The following PHACTR1 variants were observed in gnomAD, a reference collection of about 807,000 sequenced individuals.
PHACTR1 encodes phosphatase and actin regulator 1.
PHACTR1 carries 16 observed loss-of-function variants against 69.2 expected under a neutral mutation model. The observed-to-expected ratio is 0.23, with a 90% CI of 0.16 to 0.35. The LOEUF (loss-of-function observed/expected upper bound fraction) is 0.35, where lower values mean the gene tolerates loss of function less well. PHACTR1 is among the 10% of genes least tolerant of loss of function. PHACTR1 has a pLI of 1.00. For missense variants in PHACTR1, 510 were observed against 734.7 expected (o/e 0.69, Z 3.54); for synonymous variants, 312 against 284.5 (o/e 1.10, Z -0.97).
chr6:12,745,665 TA>T (rs1297353976), intron 3 of PHACTR1, among the ~76,000 whole-genome samples: 2 of 152,302 alleles, frequency 1.3e-5, no homozygotes, highest in South Asian at 2.1e-4. Context: ...TTTCTAAATA[TA>T]ATTCATTACA....
chr6:12,772,548 A>C (rs1249398848), intron 4 of PHACTR1, among the ~76,000 whole-genome samples: 1 of 152,176 alleles, frequency 6.6e-6, no homozygotes, highest in Non-Finnish European at 1.5e-5. Flanking sequence ...TACTCTGCAC[A>C]ATGGCCTTTC....
chr6:13,017,961 T>C (rs771707373), intron 4 of PHACTR1, among the ~76,000 whole-genome samples: 2 of 152,234 alleles, frequency 1.3e-5, no homozygotes, highest in Non-Finnish European at 2.9e-5. Flanking sequence ...CATTTTACTA[T>C]ATATGATTCC....
chr6:12,756,159 T>C (rs1767299916), intron 4 of PHACTR1, among the ~76,000 whole-genome samples: 1 of 152,190 alleles, frequency 6.6e-6, no homozygotes, highest in African/African-American at 2.4e-5. Flanking sequence ...GATCATTATT[T>C]AGTGTACAAG....
chr6:13,084,243 A>G (rs1232099310), intron 5 of PHACTR1, among the ~76,000 whole-genome samples: 2 of 151,970 alleles, frequency 1.3e-5, no homozygotes, highest in Non-Finnish European at 2.9e-5. Flanking sequence ...ATGAAGCTGG[A>G]AACCATCATT....
intron 4 of PHACTR1, among the ~76,000 whole-genome samples, chr6:12,848,400 CCTA>C (rs1347670944): frequency 2.6e-5 from 4 of 152,258 alleles, no homozygotes; most frequent in African/African-American, 9.6e-5. Flanking sequence ...TTTCTTTTCT[CCTA>C]CTATCATTTT....
rs114085936 is a variant in PHACTR1 at position 13,012,558 on chromosome 6, A to C, written c.251-40807A>C. ...CTTGGGAGCAGGTACACCTGGCTGT[A>C]AACACCTGTTTCTCCATTTATGCTT... is the stretch of plus-strand genomic sequence containing the variant. On this transcript the variant is annotated intron_variant, in intron 4 of 14. Transcript: ENST00000332995. Among the ~76,000 whole-genome samples the C allele has an allele frequency of 3.3e-3, 496 of 152,314 alleles. 2 individuals carry two copies. Among genetic ancestry groups the C allele is most frequent in the African/African-American group, 0.012 (481 of 41,572 alleles).
At chr6:13,034,105 C>CT (rs1157640547) in intron 4 of PHACTR1, among the ~76,000 whole-genome samples, 1 of 152,030 alleles carries the variant, frequency 6.6e-6, no homozygotes, top group Non-Finnish European at 1.5e-5. Flanking sequence ...CAGGCTCCGC[C>CT]CCCTGGGGTT....
At chr6:13,221,528 C>T (rs991300673) in intron 8 of PHACTR1, among the ~76,000 whole-genome samples, 1 of 152,192 alleles carries the variant, frequency 6.6e-6, no homozygotes, top group East Asian at 1.9e-4. Context: ...ATCAGTAGAT[C>T]AGGTCCTGTA....
At chr6:13,170,384 T>A (rs1306046623) in intron 6 of PHACTR1, among the ~76,000 whole-genome samples, 1 of 152,218 alleles carries the variant, frequency 6.6e-6, no homozygotes, top group Non-Finnish European at 1.5e-5. Flanking sequence ...ACTGCTTACC[T>A]GGACCCCTCC....
intron 4 of PHACTR1, among the ~76,000 whole-genome samples, chr6:12,896,171 G>A (rs1784647552): frequency 6.6e-6 from 1 of 152,178 alleles, no homozygotes; most frequent in Non-Finnish European, 1.5e-5. Context: ...TGTACGTCAG[G>A]CATAGCCCTT....
chr6:13,285,764 G>A (rs1013904376), intron 13 of PHACTR1, among the ~76,000 whole-genome samples: 1 of 152,144 alleles, frequency 6.6e-6, no homozygotes, highest in Admixed American at 6.5e-5. Context: ...TCTCCACCTC[G>A]AGGCATCACT....
intron 7 of PHACTR1, among the ~76,000 whole-genome samples, chr6:13,196,150 T>C (rs1287693353): frequency 6.6e-6 from 1 of 152,184 alleles, no homozygotes; most frequent in African/African-American, 2.4e-5. Context: ...GCAGCCACCA[T>C]CATCATTAGA....
At chr6:13,027,349 T>C (rs1801837388) in intron 4 of PHACTR1, among the ~76,000 whole-genome samples, 1 of 152,216 alleles carries the variant, frequency 6.6e-6, no homozygotes, top group Non-Finnish European at 1.5e-5. Flanking sequence ...AGTACTGTTG[T>C]ATCCAGTCCA....
chr6:12,797,034 T>TGA (rs1368419560), intron 4 of PHACTR1, among the ~76,000 whole-genome samples: 3 of 129,214 alleles, frequency 2.3e-5, no homozygotes, highest in South Asian at 2.9e-4. Flanking sequence ...TGTGTGTGTG[T>TGA]GTGTGTGAGA....
At chr6:13,210,911 CTTTTT>C (rs56769825) in intron 8 of PHACTR1, among the ~76,000 whole-genome samples, 8 of 72,926 alleles carry the variant, frequency 1.1e-4, no homozygotes, top group African/African-American at 3.4e-4. Context: ...TTTATCATTT[CTTTTT>C]TTTTTTTTTT....
At chr6:13,047,890 G>A (rs1805331340) in intron 4 of PHACTR1, among the ~76,000 whole-genome samples, 1 of 152,048 alleles carries the variant, frequency 6.6e-6, no homozygotes, top group East Asian at 1.9e-4. Flanking sequence ...CCGAGCCCCG[G>A]CCCAGCTCCT....
At chr6:12,972,654 C>CTTT (rs763016264) in intron 4 of PHACTR1, among the ~76,000 whole-genome samples, 1 of 22,310 alleles carries the variant, frequency 4.5e-5, no homozygotes, top group African/African-American at 1.5e-4. Context: ...TTCTTTCTTT[C>CTTT]TTTTTTTTTT....
chr6:13,284,487 A>G (rs1781036532), intron 13 of PHACTR1, among the ~76,000 whole-genome samples: 1 of 129,880 alleles, frequency 7.7e-6, no homozygotes, highest in Admixed American at 9.0e-5. Flanking sequence ...ATTGAATTCC[A>G]GCGTGGATGA....
intron 3 of PHACTR1, among the ~76,000 whole-genome samples, chr6:12,726,294 A>C (rs1340890733): frequency 6.6e-6 from 1 of 152,206 alleles, no homozygotes; most frequent in Non-Finnish European, 1.5e-5. Flanking sequence ...CATTCTGCCT[A>C]AAAGCAGAAT....
Sources: gnomAD v4.1 joint callset for allele counts (sites outside exome capture counted in the v4.1 genomes callset) on GRCh38, gnomAD v4.1.1 for gene constraint, MANE v1.5 for transcripts, NCBI Gene and HGNC (gene_info 2026-07-23, HGNC 2026-07-21) for gene names.